SUCLG2: variants seen among roughly 807,000 people sequenced by gnomAD.
The protein encoded by SUCLG2 is succinate--CoA ligase [GDP-forming] subunit beta, mitochondrial.
Under a neutral mutation model 47.9 loss-of-function variants are expected in SUCLG2, and 42 were observed. The observed-to-expected ratio is 0.88, with a 90% CI of 0.69 to 1.14. The LOEUF (loss-of-function observed/expected upper bound fraction) is 1.14. Ranked by LOEUF, SUCLG2 falls within the 50% of genes most tolerant of loss-of-function variation. SUCLG2 has a pLI of 0.00. For synonymous variants in SUCLG2, 195 were observed against 197.3 expected, an observed-to-expected ratio of 0.99 and a Z score of 0.10; for missense variants, 571 against 525.9, an observed-to-expected ratio of 1.09 and a Z score of -0.84.
chr3:67,535,210 G>T (rs557014291), intron 2 of SUCLG2, among the ~76,000 whole-genome samples: 1 of 152,214 alleles, frequency 6.6e-6, no homozygotes, highest in East Asian at 1.9e-4. Flanking sequence ...ATGTGAGTCA[G>T]CCAGGGTTCA....
At chr3:67,405,283 C>T (rs1702778446) in intron 9 of SUCLG2, among the ~76,000 whole-genome samples, 1 of 152,152 alleles carries the variant, frequency 6.6e-6, no homozygotes, top group Non-Finnish European at 1.5e-5. Context: ...CTTTGCAAAA[C>T]ACACTCTAGC....
At chr3:67,439,564 A>G (rs748857489) in intron 9 of SUCLG2, among the ~76,000 whole-genome samples, 7 of 152,186 alleles carry the variant, frequency 4.6e-5, no homozygotes, top group Non-Finnish European at 1.0e-4. Context: ...GTGTGTAAAA[A>G]TCATAAGCAT....
chr3:67,608,278 A>G (rs1700459658), intron 2 of SUCLG2, among the ~76,000 whole-genome samples: 1 of 152,196 alleles, frequency 6.6e-6, no homozygotes. Context: ...CCCTTCAGCC[A>G]TGTTTCTCCC....
intron 10 of SUCLG2, chr3:67,376,632 T>G: frequency 2.2e-6 from 1 of 454,722 alleles, no homozygotes; most frequent in Non-Finnish European, 2.9e-6. Context: ...ATATAGGCCT[T>G]GGAGAACTTG....
At chr3:67,614,380 C>T (rs1298818886) in intron 1 of SUCLG2, among the ~76,000 whole-genome samples, 1 of 151,660 alleles carries the variant, frequency 6.6e-6, no homozygotes, top group Non-Finnish European at 1.5e-5. Context: ...GCCCTCTCTT[C>T]CACATTCCAG....
At chr3:67,463,177 C>T (rs1197194188) in intron 9 of SUCLG2, among the ~76,000 whole-genome samples, 1 of 152,206 alleles carries the variant, frequency 6.6e-6, no homozygotes, top group African/African-American at 2.4e-5. Context: ...CTGAGACTGT[C>T]TTCTTAACAA....
intron 1 of SUCLG2, among the ~76,000 whole-genome samples, chr3:67,613,248 T>G (rs1328811973): frequency 1.3e-5 from 2 of 152,188 alleles, no homozygotes; most frequent in Non-Finnish European, 2.9e-5. Context: ...GGCTTTCTAG[T>G]AACCAGTCAC....
At chr3:67,601,644 T>C (rs888539152) in intron 2 of SUCLG2, among the ~76,000 whole-genome samples, 5 of 152,060 alleles carry the variant, frequency 3.3e-5, no homozygotes, top group Non-Finnish European at 5.9e-5. Flanking sequence ...CATGCCAACA[T>C]AACTTCTTTG....
intron 7 of SUCLG2, among the ~76,000 whole-genome samples, chr3:67,507,125 T>C (rs1705658441): frequency 6.6e-6 from 1 of 152,202 alleles, no homozygotes; most frequent in Admixed American, 6.5e-5. Flanking sequence ...GTGTCTGGCA[T>C]ATAAGCTCAA....
intron 2 of SUCLG2, among the ~76,000 whole-genome samples, chr3:67,597,327 T>C (rs1055017856): frequency 3.3e-5 from 5 of 152,190 alleles, no homozygotes; most frequent in African/African-American, 9.7e-5. Flanking sequence ...CCAATGACAT[T>C]AGAGAAAGTC....
intron 1 of SUCLG2, among the ~76,000 whole-genome samples, chr3:67,650,882 A>C (rs940627537): frequency 1.3e-5 from 2 of 152,220 alleles, no homozygotes. Context: ...GCTTAGACTT[A>C]AGAACCATTT....
At chr3:67,497,957 C>T (rs1488407799) in intron 8 of SUCLG2, among the ~76,000 whole-genome samples, 177 bp downstream of exon 8, 2 of 152,134 alleles carry the variant, frequency 1.3e-5, no homozygotes, top group Non-Finnish European at 2.9e-5. Context: ...CTGCTTTACA[C>T]CAGTGACCAT....
chr3:67,439,322 T>A (rs550836322), intron 9 of SUCLG2, among the ~76,000 whole-genome samples: 1 of 152,186 alleles, frequency 6.6e-6, no homozygotes, highest in South Asian at 2.1e-4. Context: ...CTTTGAAAAT[T>A]GGCACAAGAC....
chr3:67,454,316 G>C (rs1704128580), intron 9 of SUCLG2, among the ~76,000 whole-genome samples: 1 of 151,976 alleles, frequency 6.6e-6, no homozygotes, highest in Admixed American at 6.6e-5. Flanking sequence ...TGAGATCCAG[G>C]AACAGAGTAA....
intron 4 of SUCLG2, among the ~76,000 whole-genome samples, chr3:67,521,451 G>A (rs370661550): frequency 6.6e-6 from 1 of 152,132 alleles, no homozygotes; most frequent in East Asian, 1.9e-4. Context: ...CTTTTGCTCT[G>A]TAGGACTTGA....
In SUCLG2 at chr3:67,409,071, T is replaced by C. The variant is rs1417354647; in HGVS notation, c.1063-8220A>G. ...TCAATCAGAGGTAAGATATCTTGTA[T>C]AGGTTTGTGGACCAATGGGTTTTAG... On this transcript the variant is annotated intron_variant, in intron 9 of 10. Transcript: ENST00000307227. 3.3e-6 allele frequency: 5 copies of C among 1,525,124 alleles called. No homozygotes were observed. The South Asian group carries it at 3.6e-5, about 11-fold the overall frequency. 94.5% of individuals were successfully genotyped at this position (1,525,124 alleles called of 1,614,324 possible).
intron 10 of SUCLG2, among the ~76,000 whole-genome samples, chr3:67,393,736 C>T (rs1050184816): frequency 6.6e-5 from 10 of 152,196 alleles, no homozygotes; most frequent in African/African-American, 2.4e-4. Context: ...GGGTCCCTGA[C>T]CCCTGACCCC....
At chr3:67,549,342 C>T (rs115327793) in intron 2 of SUCLG2, among the ~76,000 whole-genome samples, 3,616 of 152,304 alleles carry the variant, frequency 0.024, 137 homozygotes, top group African/African-American at 0.08. Flanking sequence ...TGAAGCTTAA[C>T]ATCATGGGAC....
intron 9 of SUCLG2, among the ~76,000 whole-genome samples, chr3:67,429,040 CAGA>C (rs1703388095): frequency 6.6e-6 from 1 of 152,166 alleles, no homozygotes. Context: ...GGACATTACC[CAGA>C]AGAACTTCCC....
Sources: gnomAD v4.1 joint callset for allele counts (sites outside exome capture counted in the v4.1 genomes callset) on GRCh38, gnomAD v4.1.1 for gene constraint, MANE v1.5 for transcripts, NCBI Gene and HGNC (gene_info 2026-07-23, HGNC 2026-07-21) for gene names.